Variants in MAF observed in about 807,000 individuals in gnomAD.
MAF encodes the protein MAF bZIP transcription factor.
MAF carries 10 observed loss-of-function variants against 22.0 expected under a neutral mutation model. That is an observed-to-expected ratio of 0.45 (90% CI 0.28 to 0.77). The LOEUF (loss-of-function observed/expected upper bound fraction) is 0.77. MAF is among the 30% of genes least tolerant of loss of function. The probability of loss-of-function intolerance (pLI) is 0.12; values close to 1 mark genes in which losing one functional copy is unlikely to be tolerated. For missense variants in MAF, 544 were observed against 548.4 expected (o/e 0.99, Z 0.08); for synonymous variants, 337 against 255.8 (o/e 1.32, Z -3.03).
chr16:79,443,173 T>TC, the MAF span, among the ~76,000 whole-genome samples: 14 of 152,214 alleles, frequency 9.2e-5, no homozygotes, highest in South Asian at 2.7e-3. Context: ...CTCCTGCCTC[T>TC]CTCCTTGGTG....
the MAF span, chr16:79,204,456 A>T: frequency 6.6e-6 from 1 of 152,170 alleles, no homozygotes; most frequent in Non-Finnish European, 1.5e-5. Context: ...CTAGGGTCTC[A>T]CAATAATAGC....
At chr16:79,252,202 G>T in the MAF span, among the ~76,000 whole-genome samples, 3 of 152,134 alleles carry the variant, frequency 2.0e-5, no homozygotes, top group South Asian at 4.2e-4. Context: ...GACCCATGTC[G>T]CAACTACTTA....
At chr16:79,513,317 G>C in the MAF span, among the ~76,000 whole-genome samples, 4 of 152,218 alleles carry the variant, frequency 2.6e-5, no homozygotes, top group Non-Finnish European at 5.9e-5. Context: ...CAACTGACTA[G>C]CTATGTGGCC....
chr16:79,420,593 T>C, the MAF span, among the ~76,000 whole-genome samples: 12 of 152,146 alleles, frequency 7.9e-5, no homozygotes, highest in South Asian at 2.1e-4. Flanking sequence ...GAGTGGTGCA[T>C]TGGCCACATC....
chr16:79,272,765 C>T, the MAF span, among the ~76,000 whole-genome samples: 1 of 152,160 alleles, frequency 6.6e-6, no homozygotes, highest in Admixed American at 6.5e-5. Flanking sequence ...CTTCTCCTCA[C>T]CACCCACAAT....
At chr16:79,563,051 A>T in the MAF span, among the ~76,000 whole-genome samples, 4 of 152,234 alleles carry the variant, frequency 2.6e-5, no homozygotes, top group Non-Finnish European at 5.9e-5. Flanking sequence ...TCAGTGTTAC[A>T]TCTAGGCTTG....
chr16:79,203,238 C>A, the MAF span: 1 of 152,160 alleles, frequency 6.6e-6, no homozygotes, highest in Non-Finnish European at 1.5e-5. Context: ...AAATGAGACA[C>A]TCTCCACAGT....
chr16:79,573,598 C>A, the MAF span, among the ~76,000 whole-genome samples: 1 of 152,186 alleles, frequency 6.6e-6, no homozygotes, highest in Admixed American at 6.5e-5. Flanking sequence ...ATATCCTCAG[C>A]ACCATGTTCA....
chr16:79,434,937 G>A, the MAF span, among the ~76,000 whole-genome samples: 25 of 152,252 alleles, frequency 1.6e-4, no homozygotes, highest in Admixed American at 5.9e-4. Context: ...GGGAGGCAAC[G>A]ATTTGTTAAT....
the MAF span, among the ~76,000 whole-genome samples, chr16:79,475,237 G>C: frequency 6.6e-6 from 1 of 151,748 alleles, no homozygotes; most frequent in Non-Finnish European, 1.5e-5. Context: ...TATGGTCCTA[G>C]GTACTTCCTA....
the MAF span, among the ~76,000 whole-genome samples, chr16:79,435,213 T>G: frequency 6.6e-6 from 1 of 151,826 alleles, no homozygotes; most frequent in Non-Finnish European, 1.5e-5. Flanking sequence ...CACACATATA[T>G]GTACACACAC....
chr16:79,240,942 G>A, the MAF span, among the ~76,000 whole-genome samples: 327 of 152,106 alleles, frequency 2.1e-3, 6 homozygotes, highest in Middle Eastern at 6.8e-3. Context: ...CAGCAGACCT[G>A]GAGGGGCCTT....
chr16:79,265,509 C>G, the MAF span, among the ~76,000 whole-genome samples: 3 of 151,856 alleles, frequency 2.0e-5, no homozygotes, highest in Non-Finnish European at 4.4e-5. Context: ...CCAGTGGACC[C>G]GATACCACAG....
chr16:79,564,769 G>T, the MAF span, among the ~76,000 whole-genome samples: 2 of 152,200 alleles, frequency 1.3e-5, no homozygotes, highest in East Asian at 1.9e-4. Context: ...ACCTTGACCA[G>T]TCCAAACCTG....
chr16:79,345,939 A>T, the MAF span, among the ~76,000 whole-genome samples: 1 of 151,982 alleles, frequency 6.6e-6, no homozygotes, highest in South Asian at 2.1e-4. Flanking sequence ...AGCCAAAAGA[A>T]TAATTTTGAA....
At chr16:79,558,363 A>G in the MAF span, among the ~76,000 whole-genome samples, 10 of 152,340 alleles carry the variant, frequency 6.6e-5, no homozygotes, top group Admixed American at 2.0e-4. Flanking sequence ...CCATCAACCC[A>G]CTGTCAAAGA....
chr16:79,484,531 C>A, the MAF span, among the ~76,000 whole-genome samples: 1 of 152,224 alleles, frequency 6.6e-6, no homozygotes, highest in Non-Finnish European at 1.5e-5. Flanking sequence ...TTGGTCCCTG[C>A]TATGGTGGGA....
At chr16:79,334,432 C>T in the MAF span, among the ~76,000 whole-genome samples, 2 of 152,090 alleles carry the variant, frequency 1.3e-5, no homozygotes, top group Admixed American at 6.5e-5. Context: ...CTCTAGGGGG[C>T]GCTGACTGAG....
chr16:79,559,197 G>T, the MAF span, among the ~76,000 whole-genome samples: 2 of 152,102 alleles, frequency 1.3e-5, no homozygotes, highest in Non-Finnish European at 2.9e-5. Context: ...GGCTGTGGAG[G>T]CCCTTGGGTT....
Sources: gnomAD v4.1 joint callset for allele counts (sites outside exome capture counted in the v4.1 genomes callset) on GRCh38, gnomAD v4.1.1 for gene constraint, MANE v1.5 for transcripts, NCBI Gene and HGNC (gene_info 2026-07-23, HGNC 2026-07-21) for gene names.